The following CSMD1 variants were observed in gnomAD, a reference collection of about 807,000 sequenced individuals.
The protein encoded by CSMD1 is CUB and Sushi multiple domains 1.
Under a neutral mutation model 417.5 loss-of-function variants are expected in CSMD1, and 213 were observed. That is an observed-to-expected ratio of 0.51 (90% CI 0.46 to 0.57). CSMD1 has a LOEUF of 0.57. Ranked by LOEUF, CSMD1 falls within the 20% of genes least tolerant of loss-of-function variation. The pLI is 0.00. For synonymous variants in CSMD1, 2,862 were observed against 1,736.8 expected (o/e 1.65, Z -16.11); for missense variants, 6,923 against 4,529.7 (o/e 1.53, Z -15.17).
chr8:3,370,149 C>A (rs1051879001), intron 18 of CSMD1, among the ~76,000 whole-genome samples: 1 of 152,136 alleles, frequency 6.6e-6, no homozygotes, highest in Non-Finnish European at 1.5e-5. Flanking sequence ...ATAATTTAAC[C>A]TTTTGAATAG....
chr8:4,164,316 AT>A (rs1797333414), intron 3 of CSMD1, among the ~76,000 whole-genome samples: 1 of 152,214 alleles, frequency 6.6e-6, no homozygotes, highest in Non-Finnish European at 1.5e-5. Flanking sequence ...ATCCATCTAC[AT>A]TTAAAAACAT....
intron 3 of CSMD1, among the ~76,000 whole-genome samples, chr8:4,120,018 G>T (rs546890740): frequency 6.6e-6 from 1 of 152,078 alleles, no homozygotes; most frequent in Non-Finnish European, 1.5e-5. Flanking sequence ...GACGGCAGTT[G>T]ATGATAATTT....
At chr8:3,629,635 A>G (rs12674904) in intron 7 of CSMD1, among the ~76,000 whole-genome samples, 88,497 of 151,990 alleles carry the variant, frequency 0.58, 26,307 homozygotes, top group Middle Eastern at 0.76. Flanking sequence ...TATACTCAGG[A>G]TTATTTTATC....
intron 2 of CSMD1, among the ~76,000 whole-genome samples, chr8:4,566,338 G>A (rs1383518349): frequency 6.6e-6 from 1 of 152,226 alleles, no homozygotes; most frequent in Admixed American, 6.5e-5. Flanking sequence ...TGTATGACAA[G>A]AGTCCATGAA....
At chr8:3,260,301 G>A (rs73187505) in intron 26 of CSMD1, among the ~76,000 whole-genome samples, 11,322 of 152,124 alleles carry the variant, frequency 0.074, 577 homozygotes, top group Admixed American at 0.13. Flanking sequence ...CCACCTCTGT[G>A]AGGCTCCCTG....
intron 3 of CSMD1, among the ~76,000 whole-genome samples, chr8:4,328,097 T>A (rs1489272161): frequency 6.6e-6 from 1 of 152,170 alleles, no homozygotes; most frequent in Admixed American, 6.6e-5. Context: ...TAACAGAAAC[T>A]ATGCAAACAA....
chr8:3,179,426 TAAAC>T (rs1382763157), intron 37 of CSMD1, among the ~76,000 whole-genome samples: 1 of 152,220 alleles, frequency 6.6e-6, no homozygotes, highest in Non-Finnish European at 1.5e-5. Context: ...ATTAAATAAT[TAAAC>T]AAAAGCTTGG....
intron 5 of CSMD1, among the ~76,000 whole-genome samples, chr8:3,763,065 G>C (rs1392823458): frequency 5.9e-5 from 9 of 152,176 alleles, no homozygotes; most frequent in Admixed American, 5.9e-4. Context: ...ATTGAAGCCT[G>C]TCCTATTCTC....
At chr8:3,741,941 A>G (rs915381958) in intron 6 of CSMD1, among the ~76,000 whole-genome samples, 4 of 151,782 alleles carry the variant, frequency 2.6e-5, no homozygotes, top group Non-Finnish European at 5.9e-5. Flanking sequence ...ATTTCCCACA[A>G]ATGGCAAATC....
intron 3 of CSMD1, among the ~76,000 whole-genome samples, chr8:4,216,395 C>A (rs953066642): frequency 6.6e-6 from 1 of 152,138 alleles, no homozygotes; most frequent in Non-Finnish European, 1.5e-5. Flanking sequence ...ATAGTGTGTA[C>A]TATTGTGTGC....
chr8:4,766,182 A>C (rs1160205493), intron 1 of CSMD1, among the ~76,000 whole-genome samples: 1 of 152,178 alleles, frequency 6.6e-6, no homozygotes, highest in Non-Finnish European at 1.5e-5. Context: ...TGCATTTTCC[A>C]TGAACATATG....
chr8:4,218,965 T>C (rs1218203947), intron 3 of CSMD1, among the ~76,000 whole-genome samples: 4 of 152,218 alleles, frequency 2.6e-5, no homozygotes, highest in Non-Finnish European at 4.4e-5. Context: ...CCAACGTATG[T>C]CTAATCAAAT....
chr8:4,492,323 C>A (rs568562629), intron 2 of CSMD1, among the ~76,000 whole-genome samples: 1 of 152,108 alleles, frequency 6.6e-6, no homozygotes, highest in Non-Finnish European at 1.5e-5. Context: ...CTCCTCGCCT[C>A]AGGTGATCCA....
At chr8:3,724,222 A>C (rs1484634237) in intron 6 of CSMD1, among the ~76,000 whole-genome samples, 1 of 151,646 alleles carries the variant, frequency 6.6e-6, no homozygotes, top group African/African-American at 2.4e-5. Context: ...TTATACTTTA[A>C]GTTTTAGGGT....
intron 3 of CSMD1, among the ~76,000 whole-genome samples, chr8:4,072,181 G>A (rs1403475077): frequency 6.6e-6 from 1 of 152,126 alleles, no homozygotes; most frequent in Non-Finnish European, 1.5e-5. Context: ...TAGTTTCCAG[G>A]TGTTTTTCTG....
chr8:3,523,262 T>C (rs992450669), intron 10 of CSMD1, among the ~76,000 whole-genome samples: 1 of 152,210 alleles, frequency 6.6e-6, no homozygotes, highest in Admixed American at 6.5e-5. Flanking sequence ...ATATAGGATT[T>C]AAAATAAAGC....
chr8:3,929,413 C>A lies in CSMD1; in HGVS notation c.818+68490G>T, dbSNP rs549066115. ...GCCAAGGGTGACAATGTAATTTCAA[C>A]CTTCCCCACATGAGAAGTGGGTCCA... On this transcript the variant is annotated intron_variant, in intron 5 of 69. Coordinates refer to ENST00000635120, the MANE Select transcript of CSMD1 (RefSeq NM_033225.6). Among the ~76,000 whole-genome samples the A allele has an allele frequency of 4.7e-5, 7 of 150,454 alleles. 1 individual carries two copies. The highest frequency in any genetic ancestry group is 1.7e-4 in the African/African-American group (7 of 40,836).
At chr8:3,038,545 GTTAT>G (rs916184505) in intron 50 of CSMD1, among the ~76,000 whole-genome samples, 5 of 152,038 alleles carry the variant, frequency 3.3e-5, no homozygotes, top group Non-Finnish European at 5.9e-5. Flanking sequence ...TTTTCTTGTG[GTTAT>G]TTGTTTTGTT....
intron 3 of CSMD1, among the ~76,000 whole-genome samples, chr8:4,277,396 C>T (rs1796547860): frequency 6.6e-6 from 1 of 152,082 alleles, no homozygotes; most frequent in Admixed American, 6.5e-5. Flanking sequence ...CTGGCTTGAC[C>T]CAGCCCCCAT....
Sources: allele counts gnomAD v4.1 joint callset (sites outside exome capture counted in the v4.1 genomes callset), GRCh38; gene constraint gnomAD v4.1.1; transcripts MANE v1.5; gene names NCBI Gene and HGNC (gene_info 2026-07-23, HGNC 2026-07-21).